The following EPS15L1 variants were observed in gnomAD, a reference collection of about 807,000 sequenced individuals.
EPS15L1 encodes epidermal growth factor receptor substrate 15-like 1.
A neutral mutation model predicts 117.1 loss-of-function variants in EPS15L1; 43 were observed. That is an observed-to-expected ratio of 0.37 (90% CI 0.29 to 0.47). The LOEUF is 0.47. Ranked by LOEUF, EPS15L1 falls within the 20% of genes least tolerant of loss-of-function variation. The probability of loss-of-function intolerance (pLI) is 0.99; values close to 1 mark genes in which losing one functional copy is unlikely to be tolerated. For missense variants in EPS15L1, 981 were observed against 1,164.0 expected, an observed-to-expected ratio of 0.84 and a Z score of 2.29; for synonymous variants, 459 against 470.5, an observed-to-expected ratio of 0.98 and a Z score of 0.32.
Position 16,418,084 on chromosome 19 carries a change from T to C in EPS15L1, c.971A>G (p.Gln324Arg). The C allele has an allele frequency of 6.2e-7, 1 of 1,613,988 alleles. No homozygotes were observed. The highest frequency in any genetic ancestry group is 8.5e-7 in the Non-Finnish European group (1 of 1,179,888). ...AHIWALADTR[Q>R]TGKLSKDQFA... ...TTGGTCTTTGCTTAACTTCCCCGTT[T>C]GCCTCGTATCGGCCAGGGCCCTGGG... is the stretch of plus-strand genomic sequence containing the variant. Residue 324 changes from glutamine to arginine, a missense_variant, in exon 11 of 24, where the codon CAA (glutamine) becomes CGA (arginine). By Grantham distance (43) the Gln-to-Arg change is conservative. This residue lies in a region of EPS15L1 where 819 missense variants were observed against 949.0 expected (regional missense o/e 0.86). Transcript: ENST00000455140.
chr19:16,417,871 T>TGTGCCACCA, intron 11 of EPS15L1, 77 bp downstream of exon 11: 1 of 1,537,454 alleles, frequency 6.5e-7, no homozygotes, highest in Non-Finnish European at 8.8e-7. Flanking sequence ...TGGGCTCATG[T>TGTGCCACCA]GTGCCACCAG....
At chr19:16,414,806 C>T (rs1450986166) in intron 12 of EPS15L1, among the ~76,000 whole-genome samples, 2 of 151,330 alleles carry the variant, frequency 1.3e-5, no homozygotes, top group Non-Finnish European at 2.9e-5. Flanking sequence ...ACTTCCTGGG[C>T]TCAAGCAATC....
intron 7 of EPS15L1, 142 bp downstream of exon 7, chr19:16,434,223 C>T (rs2092957177): frequency 1.7e-6 from 2 of 1,145,270 alleles, no homozygotes; most frequent in Non-Finnish European, 2.5e-6. Flanking sequence ...GCTGGACCCA[C>T]AGGAGCGCTG....
In EPS15L1 at chr19:16,403,720, C is replaced by G. The variant is rs746738921; in HGVS notation, c.1626+13G>C. 1.1e-5 allele frequency: 18 copies of G among 1,609,854 alleles called. 1 individual carries two copies. The South Asian group carries it at 2.0e-4, about 18-fold the overall frequency. ...TCCCTGGCATGTGGCAGGGACCCGA[C>G]TCCGTGAAGTACCTGGTTGATTTCG... On this transcript the variant is annotated intron_variant, in intron 15 of 23. Transcript: ENST00000455140.
chr19:16,428,467 AGGAGAGAG>A (rs747748033), intron 8 of EPS15L1, among the ~76,000 whole-genome samples: 3 of 110,700 alleles, frequency 2.7e-5, no homozygotes, highest in Admixed American at 1.2e-4. Flanking sequence ...AGACAGAGAG[AGGAGAGAG>A]GGAGAGAGGG....
At chr19:16,429,309 C>T (rs898066318) in intron 7 of EPS15L1, among the ~76,000 whole-genome samples, 2 of 152,172 alleles carry the variant, frequency 1.3e-5, no homozygotes, top group Admixed American at 1.3e-4. Flanking sequence ...GCCTAAGACA[C>T]GTGCAGATCT....
chr19:16,392,201 C>T (rs1448059061), intron 19 of EPS15L1, 103 bp downstream of exon 19: 11 of 1,326,924 alleles, frequency 8.3e-6, no homozygotes, highest in African/African-American at 5.8e-5. Context: ...CACTCGCAGG[C>T]ACCATGTACG....
intron 1 of EPS15L1, among the ~76,000 whole-genome samples, chr19:16,464,998 G>A (rs1229107616): frequency 6.6e-6 from 1 of 151,524 alleles, no homozygotes; most frequent in Non-Finnish European, 1.5e-5. Flanking sequence ...AGAATGGCAT[G>A]AACCCAGGAG....
At chr19:16,450,196 ATGAT>A (rs2093126285) in intron 1 of EPS15L1, among the ~76,000 whole-genome samples, 1 of 152,084 alleles carries the variant, frequency 6.6e-6, no homozygotes, top group Non-Finnish European at 1.5e-5. Context: ...GCAGTGAGCT[ATGAT>A]CGTGCTACTG....
chr19:16,405,779 G>A lies in EPS15L1; in HGVS notation c.1267-1030C>T, dbSNP rs913454521. ...CCAGGAGCTCATGAACAGCACCTCC[G>A]GGGATGGGGACACCCAAGAAGAGGG... is the stretch of plus-strand genomic sequence containing the variant. On this transcript the variant is annotated intron_variant, in intron 13 of 23. Coordinates refer to ENST00000455140, the MANE Select transcript of EPS15L1 (RefSeq NM_001258374.3). This position sits in a 1 kb window ranked among gnomAD's most constrained non-coding sequence, Gnocchi z 4.0. 2.0e-5 allele frequency among the ~76,000 whole-genome samples: 3 copies of A among 152,222 alleles called. No homozygotes were observed. The highest frequency in any genetic ancestry group is 2.9e-5 in the Non-Finnish European group (2 of 68,032).
intron 21 of EPS15L1, among the ~76,000 whole-genome samples, chr19:16,380,112 G>C (rs183344233): frequency 8.0e-5 from 12 of 150,916 alleles, no homozygotes; most frequent in African/African-American, 2.9e-4. Flanking sequence ...ACACAGATGC[G>C]GCCGTCTAAG....
intron 17 of EPS15L1, 50 bp from the exon 18 acceptor site, chr19:16,394,051 G>A (rs552592706): frequency 1.8e-5 from 29 of 1,573,816 alleles, no homozygotes; most frequent in Middle Eastern, 1.7e-4. Context: ...CACAGGATGC[G>A]GGCCGGGCCC....
intron 23 of EPS15L1, among the ~76,000 whole-genome samples, chr19:16,358,868 C>A (rs1374705220): frequency 6.6e-6 from 1 of 152,162 alleles, no homozygotes; most frequent in African/African-American, 2.4e-5. Context: ...ACTCTTAATG[C>A]GAACTTCCAA....
chr19:16,467,949 A>T (rs768641776), intron 1 of EPS15L1, among the ~76,000 whole-genome samples: 1 of 152,160 alleles, frequency 6.6e-6, no homozygotes, highest in Non-Finnish European at 1.5e-5. Flanking sequence ...CCTAGAATGG[A>T]GGCACCTACT....
At chr19:16,384,066 G>C (rs2092392719) in intron 21 of EPS15L1, 1 of 152,446 alleles carries the variant, frequency 6.6e-6, no homozygotes, top group Non-Finnish European at 1.5e-5. Context: ...ATGGGCTCCA[G>C]GAGGGGGGCT....
Position 16,471,923 on chromosome 19 carries a change from AG to A in EPS15L1, c.22del (p.Leu8SerfsTer36). The A allele has an allele frequency of 2.3e-6, 3 of 1,295,864 alleles. No homozygotes were observed. The highest frequency in any genetic ancestry group is 2.3e-5 in the South Asian group (1 of 43,894). The allele number at this position is 1,295,864 out of a possible 1,614,324, so 80.3% of individuals were successfully genotyped here. A position where few individuals can be genotyped will look rare whatever the true frequency, so the allele number is the denominator to read the frequency against. On this transcript the variant is annotated frameshift_variant, in exon 1 of 24. Coordinates refer to ENST00000455140, the MANE Select transcript of EPS15L1 (RefSeq NM_001258374.3). LOFTEE classifies it high-confidence loss of function. The surrounding 1 kb of genome is among the most constrained non-coding windows in gnomAD (Gnocchi z 4.8). ...CCGCCCGGCCCGTACCTGCTGGGAG[AG>A]GGGGATGAGCGGCGCCGCCATCTTC... MAAPLIPLSQQIPTGNSL... is the reference protein window; with the variant it reads MAAPLIPXSQQIPTGNSL...
At chr19:16,433,108 C>A (rs1208291821) in intron 7 of EPS15L1, among the ~76,000 whole-genome samples, 1 of 148,692 alleles carries the variant, frequency 6.7e-6, no homozygotes, top group Non-Finnish European at 1.5e-5. Context: ...GCCACACCAG[C>A]CTAAATTGAG....
At chr19:16,366,705 G>A (rs1445753076) in intron 22 of EPS15L1, among the ~76,000 whole-genome samples, 2 of 152,080 alleles carry the variant, frequency 1.3e-5, no homozygotes, top group Non-Finnish European at 2.9e-5. Context: ...GGAGATTTTG[G>A]ACCTGACACG....
rs2092199385 is a variant in EPS15L1, at chr19:16,370,063, G to A, written c.2380+7059C>T. Among the ~76,000 whole-genome samples, 1 of 152,188 alleles carries A rather than the reference G, an allele frequency of 6.6e-6. No individual in the cohort carries two copies. Among genetic ancestry groups the A allele is most frequent in the Admixed American group, 6.5e-5 (1 of 15,286 alleles). ...ATGTAACAAGATCCCTGAGAACGCC[G>A]TGCAGCGAGTCTGAAAGCTGGTTAG... On this transcript the variant is annotated intron_variant, in intron 22 of 23. Transcript: ENST00000455140. This position sits in a 1 kb window ranked among gnomAD's most constrained non-coding sequence, Gnocchi z 5.2.
Sources: allele counts gnomAD v4.1 joint callset (sites outside exome capture counted in the v4.1 genomes callset), GRCh38; gene constraint gnomAD v4.1.1; regional missense constraint gnomAD v4.1.1; non-coding constraint Gnocchi (gnomAD v3.1); transcripts MANE v1.5; gene names NCBI Gene and HGNC (gene_info 2026-07-23, HGNC 2026-07-21).